Variants in AKR1C8 observed in about 807,000 individuals in gnomAD.
AKR1C8 encodes the protein aldo-keto reductase family 1 member C8.
chr10:5,180,799 G>C, the AKR1C8 span, among the ~76,000 whole-genome samples: 4 of 152,244 alleles, frequency 2.6e-5, no homozygotes, highest in African/African-American at 9.6e-5. Context: ...CCATGTGTGG[G>C]ATATAATCTC....
the AKR1C8 span, among the ~76,000 whole-genome samples, chr10:5,140,451 G>A: frequency 4.6e-5 from 7 of 152,190 alleles, no homozygotes; most frequent in Non-Finnish European, 8.8e-5. Context: ...TATACACCAT[G>A]GAATACTATG....
the AKR1C8 span, chr10:5,160,680 C>G: frequency 2.6e-6 from 1 of 382,400 alleles, no homozygotes. Flanking sequence ...CAGATGAGAA[C>G]ACAGAGGCAC....
chr10:5,161,669 A>G, the AKR1C8 span: 1 of 532,260 alleles, frequency 1.9e-6, no homozygotes, highest in Non-Finnish European at 3.8e-6. Context: ...GGATAGACAG[A>G]AAATCTTGAT....
chr10:5,116,733 C>T, the AKR1C8 span, among the ~76,000 whole-genome samples: 1 of 152,186 alleles, frequency 6.6e-6, no homozygotes, highest in Non-Finnish European at 1.5e-5. Context: ...GGAAGATTTC[C>T]CTTCATTGCT....
At chr10:5,180,396 C>A in the AKR1C8 span, among the ~76,000 whole-genome samples, 2 of 152,236 alleles carry the variant, frequency 1.3e-5, no homozygotes, top group Non-Finnish European at 2.9e-5. Context: ...TGGGGGCTGC[C>A]TCCCAGTTAG....
the AKR1C8 span, among the ~76,000 whole-genome samples, chr10:5,170,564 TTGG>T: frequency 6.6e-6 from 1 of 152,020 alleles, no homozygotes; most frequent in African/African-American, 2.4e-5. Flanking sequence ...TACCTATGAG[TTGG>T]TGAATTTCTC....
At chr10:5,174,218 T>G in the AKR1C8 span, among the ~76,000 whole-genome samples, 1 of 151,616 alleles carries the variant, frequency 6.6e-6, no homozygotes, top group African/African-American at 2.4e-5. Context: ...AACAGAAAAT[T>G]TTACAACTAC....
chr10:5,144,547 C>T, the AKR1C8 span, among the ~76,000 whole-genome samples: 1 of 151,226 alleles, frequency 6.6e-6, no homozygotes, highest in East Asian at 1.9e-4. Flanking sequence ...TCTTTTATTT[C>T]CTTGAGCAGT....
chr10:5,127,121 T>C, the AKR1C8 span, among the ~76,000 whole-genome samples: 1 of 151,860 alleles, frequency 6.6e-6, no homozygotes, highest in Admixed American at 6.6e-5. Context: ...CAAACTAAGA[T>C]AAAATATTTA....
At chr10:5,124,315 G>C in the AKR1C8 span, among the ~76,000 whole-genome samples, 791 of 152,252 alleles carry the variant, frequency 5.2e-3, 6 homozygotes, top group Non-Finnish European at 8.9e-3. Flanking sequence ...TGGGTTCATA[G>C]TCATGAGAGA....
chr10:5,146,352 A>C, the AKR1C8 span, among the ~76,000 whole-genome samples: 1,698 of 152,230 alleles, frequency 0.011, 77 homozygotes, highest in East Asian at 0.12. Context: ...TATAATAATA[A>C]AAGAAGAAAA....
the AKR1C8 span, chr10:5,155,172 G>A: frequency 6.6e-6 from 1 of 152,224 alleles, no homozygotes. Flanking sequence ...TTCCCTAGGA[G>A]ACAGGCACCT....
chr10:5,148,520 G>A, the AKR1C8 span, among the ~76,000 whole-genome samples: 9 of 152,072 alleles, frequency 5.9e-5, no homozygotes, highest in East Asian at 1.7e-3. Context: ...ATATCTAAAG[G>A]GTAAAGAACA....
At chr10:5,153,002 G>A in the AKR1C8 span, among the ~76,000 whole-genome samples, 1 of 152,050 alleles carries the variant, frequency 6.6e-6, no homozygotes, top group Non-Finnish European at 1.5e-5. Flanking sequence ...AGGGCAATCA[G>A]TGGCCTTATC....
At chr10:5,134,645 T>C in the AKR1C8 span, among the ~76,000 whole-genome samples, 16 of 152,318 alleles carry the variant, frequency 1.1e-4, no homozygotes, top group South Asian at 1.9e-3. Context: ...ACCAGTATTA[T>C]TACTCTGTCA....
chr10:5,177,262 T>G, the AKR1C8 span, among the ~76,000 whole-genome samples: 100 of 152,140 alleles, frequency 6.6e-4, no homozygotes, highest in African/African-American at 2.3e-3. Flanking sequence ...TTGGTTCTGT[T>G]TATATGCTGG....
At chr10:5,177,943 T>C in the AKR1C8 span, among the ~76,000 whole-genome samples, 3 of 152,216 alleles carry the variant, frequency 2.0e-5, no homozygotes, top group African/African-American at 7.2e-5. Context: ...CCTGGATTCA[T>C]TAATTTTTTG....
chr10:5,185,115 C>A, the AKR1C8 span: 8 of 534,570 alleles, frequency 1.5e-5, no homozygotes, highest in Admixed American at 1.9e-5. Flanking sequence ...CCCCAGCTAA[C>A]CTGTCTTTCC....
chr10:5,165,297 A>G, the AKR1C8 span, among the ~76,000 whole-genome samples: 6 of 152,164 alleles, frequency 3.9e-5, no homozygotes, highest in Non-Finnish European at 7.3e-5. Flanking sequence ...TTATAGGAAC[A>G]GCCTATTAAG....
Sources: gnomAD v4.1 joint callset for allele counts (sites outside exome capture counted in the v4.1 genomes callset) on GRCh38, gnomAD v4.1.1 for gene constraint, MANE v1.5 for transcripts, NCBI Gene and HGNC (gene_info 2026-07-23, HGNC 2026-07-21) for gene names.